Variants in ZNF516 observed in about 807,000 individuals in gnomAD.
ZNF516 encodes zinc finger protein 516.
Under a neutral mutation model 79.7 loss-of-function variants are expected in ZNF516, and 19 were observed. The ratio of observed to expected loss-of-function variants is 0.24; its 90% confidence interval spans 0.17 to 0.35. ZNF516 has a LOEUF of 0.35. Among genes scored for constraint, ZNF516 ranks in the 10% least tolerant of loss-of-function variants. The probability of loss-of-function intolerance (pLI) is 1.00; values close to 1 mark genes in which losing one functional copy is unlikely to be tolerated. For missense variants in ZNF516, 1,678 were observed against 1,679.5 expected (o/e 1.00, Z 0.02); for synonymous variants, 877 against 739.5 (o/e 1.19, Z -3.02).
chr18:76,367,727 C>T (rs985929425), intron 6 of ZNF516, among the ~76,000 whole-genome samples: 3 of 152,238 alleles, frequency 2.0e-5, no homozygotes, highest in Non-Finnish European at 4.4e-5. Flanking sequence ...CACCCATGGA[C>T]CTTTTGAACC....
intron 1 of ZNF516, among the ~76,000 whole-genome samples, chr18:76,469,969 G>A (rs1395056826): frequency 6.6e-6 from 1 of 152,116 alleles, no homozygotes; most frequent in African/African-American, 2.4e-5. Flanking sequence ...ATACAAATGA[G>A]ATAATATTTA....
intron 2 of ZNF516, among the ~76,000 whole-genome samples, chr18:76,456,939 T>C (rs1048955392): frequency 6.6e-6 from 1 of 152,250 alleles, no homozygotes; most frequent in Non-Finnish European, 1.5e-5. Context: ...TATATTGTGC[T>C]GTGAGGCTGG....
In ZNF516 at chr18:76,378,883, A is replaced by C. The variant is rs1233967851; in HGVS notation, c.3231T>G (p.Gly1077=). The stretch of plus-strand genomic sequence containing the variant: ...TGTGCTCCAACCCAGGGCCGCTGAC[A>C]CCCCATCCCTGGTAGAGGGTCGCAA... ...KDFATLYQGW[G]VSGPGLEHRG... The change falls in exon 4 of 7, where the codon GGT becomes GGG. Residue 1077 remains glycine (G), a synonymous_variant. Transcript: ENST00000443185. 6.2e-7 allele frequency: 1 copy of C among 1,613,438 alleles called. No homozygotes were observed. Among genetic ancestry groups the C allele is most frequent in the Non-Finnish European group, 8.5e-7 (1 of 1,179,664 alleles).
At chr18:76,483,892 C>T (rs2053903658) in intron 1 of ZNF516, among the ~76,000 whole-genome samples, 1 of 152,200 alleles carries the variant, frequency 6.6e-6, no homozygotes, top group Admixed American at 6.5e-5. Flanking sequence ...TGCCATGTGA[C>T]AGCAGCCTCA....
At chr18:76,385,093 C>T (rs149389517) in intron 3 of ZNF516, among the ~76,000 whole-genome samples, 414 of 152,330 alleles carry the variant, frequency 2.7e-3, no homozygotes, top group Non-Finnish European at 4.6e-3. Context: ...CTAGAGAAGG[C>T]GCACGTCGCT....
intron 1 of ZNF516, among the ~76,000 whole-genome samples, chr18:76,463,644 C>G (rs1357484752): frequency 6.6e-6 from 1 of 152,198 alleles, no homozygotes; most frequent in Non-Finnish European, 1.5e-5. Flanking sequence ...TCCGCAGCAT[C>G]TGCGTTTACA....
intron 6 of ZNF516, among the ~76,000 whole-genome samples, chr18:76,368,990 A>G (rs770899343): frequency 6.6e-6 from 1 of 152,300 alleles, no homozygotes; most frequent in South Asian, 2.1e-4. Flanking sequence ...CCTGTCAAAC[A>G]TTCCTACCCA....
chr18:76,377,317 T>C (rs2074803818), intron 4 of ZNF516, among the ~76,000 whole-genome samples: 1 of 152,278 alleles, frequency 6.6e-6, no homozygotes, highest in African/African-American at 2.4e-5. Flanking sequence ...GGCCTCATCC[T>C]AAAAAGTTCA....
intron 4 of ZNF516, among the ~76,000 whole-genome samples, chr18:76,371,995 C>G (rs145926929): frequency 1.4e-4 from 21 of 152,320 alleles, no homozygotes; most frequent in Non-Finnish European, 2.1e-4. Context: ...CACCGTGACC[C>G]GGCCGCGATC....
At chr18:76,443,786 G>C (rs938178740) in intron 2 of ZNF516, among the ~76,000 whole-genome samples, 3 of 152,344 alleles carry the variant, frequency 2.0e-5, no homozygotes, top group East Asian at 1.9e-4. Context: ...ACACCCGCAA[G>C]ATGGCACAGC....
intron 1 of ZNF516, among the ~76,000 whole-genome samples, chr18:76,466,440 G>A (rs919994295): frequency 6.6e-6 from 1 of 152,216 alleles, no homozygotes; most frequent in Non-Finnish European, 1.5e-5. Flanking sequence ...TGCTGGCACG[G>A]AGGCCGACGC....
intron 3 of ZNF516, among the ~76,000 whole-genome samples, chr18:76,381,246 C>A (rs1338288511): frequency 6.6e-6 from 1 of 152,182 alleles, no homozygotes. Context: ...GGACACAACA[C>A]GGATTAACAA....
At chr18:76,492,047 G>C (rs943841286) in intron 1 of ZNF516, 11 of 532,660 alleles carry the variant, frequency 2.1e-5, no homozygotes, top group African/African-American at 4.1e-5. Flanking sequence ...GGTGCGGCCT[G>C]GTGGCCGGGC....
chr18:76,468,982 T>A (rs1033391672), intron 1 of ZNF516, among the ~76,000 whole-genome samples: 2 of 152,180 alleles, frequency 1.3e-5, no homozygotes, highest in African/African-American at 4.8e-5. Flanking sequence ...AAGAAGCACT[T>A]GGGGAGAGCC....
chr18:76,492,630 C>T (rs1599176435), intron 1 of ZNF516: 1 of 767,846 alleles, frequency 1.3e-6, no homozygotes, highest in East Asian at 1.3e-4. Context: ...TGGGTTCCAT[C>T]ATCACCTGAA....
At chr18:76,412,626 G>A (rs560844116) in intron 3 of ZNF516, among the ~76,000 whole-genome samples, 20 of 152,282 alleles carry the variant, frequency 1.3e-4, no homozygotes, top group African/African-American at 2.9e-4. Context: ...AGGGGAGGCC[G>A]GAGGATAAGG....
chr18:76,450,346 C>T (rs1912328669), intron 2 of ZNF516, among the ~76,000 whole-genome samples: 1 of 150,062 alleles, frequency 6.7e-6, no homozygotes, highest in Non-Finnish European at 1.5e-5. Context: ...CCTCCCCCTC[C>T]CCCACTCCCC....
rs1282792209 is a variant in ZNF516 at position 76,376,673 on chromosome 18, T to C, written c.3259+2182A>G. Among the ~76,000 whole-genome samples, 11 of 152,304 alleles carry C rather than the reference T, an allele frequency of 7.2e-5. No homozygotes were observed. The East Asian group carries it at 1.3e-3, about 19-fold the overall frequency. Reference sequence around the variant, plus strand: ...CTGACCTTAAAACTCACTTCTACTTTCTTAGAAACAGCAACTACGCCACCC... The same window carrying C: ...CTGACCTTAAAACTCACTTCTACTTCCTTAGAAACAGCAACTACGCCACCC... On this transcript the variant is annotated intron_variant, in intron 4 of 6. Transcript: ENST00000443185.
chr18:76,423,861 AAC>A (rs1349435713), intron 3 of ZNF516, among the ~76,000 whole-genome samples: 19 of 122,530 alleles, frequency 1.6e-4, no homozygotes, highest in East Asian at 2.9e-4. Flanking sequence ...GCTCCCCCAA[AAC>A]ACACACGCAG....
Sources: gnomAD v4.1 joint callset for allele counts (sites outside exome capture counted in the v4.1 genomes callset) on GRCh38, gnomAD v4.1.1 for gene constraint, MANE v1.5 for transcripts, NCBI Gene and HGNC (gene_info 2026-07-23, HGNC 2026-07-21) for gene names.